TXNRD3: variants seen among roughly 807,000 people sequenced by gnomAD.
TXNRD3 encodes the protein thioredoxin reductase 3.
A neutral mutation model predicts 78.2 loss-of-function variants in TXNRD3; 68 were observed. The observed-to-expected ratio is 0.87, with a 90% confidence interval of 0.72 to 1.06. The LOEUF is 1.06. Among genes scored for constraint, TXNRD3 ranks in the 50% least tolerant of loss-of-function variants. TXNRD3 has a pLI of 0.00. For synonymous variants in TXNRD3, 296 were observed against 300.1 expected, an observed-to-expected ratio of 0.99 and a Z score of 0.14; for missense variants, 751 against 809.5, an observed-to-expected ratio of 0.93 and a Z score of 0.88.
chr3:126,622,847 A>G (rs1436105925), intron 10 of TXNRD3, among the ~76,000 whole-genome samples: 1 of 152,186 alleles, frequency 6.6e-6, no homozygotes, highest in Non-Finnish European at 1.5e-5. Flanking sequence ...TAATTAAGGT[A>G]AAATAGGTCA....
chr3:126,638,627 G>A (rs757603103), intron 6 of TXNRD3, among the ~76,000 whole-genome samples: 23 of 152,076 alleles, frequency 1.5e-4, no homozygotes, highest in Non-Finnish European at 2.5e-4. Context: ...CAAGCTACTC[G>A]GGAGGCTGAG....
chr3:126,629,288 T>G (rs942400663), intron 10 of TXNRD3, 91 bp downstream of exon 10: 1 of 939,086 alleles, frequency 1.1e-6, no homozygotes, highest in Non-Finnish European at 1.5e-6. Context: ...AGTAAAAAAA[T>G]GTTAATCCTG....
intron 9 of TXNRD3, 146 bp from the exon 10 acceptor site, chr3:126,629,617 G>T: frequency 1.7e-6 from 1 of 572,712 alleles, no homozygotes; most frequent in Non-Finnish European, 3.0e-6. Flanking sequence ...TCTGGATAAG[G>T]CAGAAATAGA....
rs139071343 is a variant in TXNRD3 at position 126,652,603 on chromosome 3, G to A, written c.243+2145C>T. Among the ~76,000 whole-genome samples, 18 of 152,280 alleles carry A rather than the reference G, an allele frequency of 1.2e-4. No homozygotes were observed. The East Asian group carries it at 2.1e-3, about 18-fold the overall frequency. ...TCTTCATGTTTTCTCCAGGTACTCC[G>A]GTTTCCTCCCACATCCCAAAGATGT... On this transcript the variant is annotated intron_variant, in intron 1 of 15. Coordinates refer to ENST00000524230, the MANE Select transcript of TXNRD3 (RefSeq NM_052883.3).
chr3:126,647,806 G>T (rs1182686442), intron 1 of TXNRD3, among the ~76,000 whole-genome samples: 3 of 152,222 alleles, frequency 2.0e-5, no homozygotes, highest in Admixed American at 1.3e-4. Flanking sequence ...CTTCACAACA[G>T]CCTGGGTGAC....
At chr3:126,649,274 G>A (rs539819273) in intron 1 of TXNRD3, among the ~76,000 whole-genome samples, 9 of 152,276 alleles carry the variant, frequency 5.9e-5, no homozygotes, top group South Asian at 2.1e-4. Flanking sequence ...TTAGTGAAAC[G>A]TGAATCAAAA....
chr3:126,631,727 A>G, intron 8 of TXNRD3, 37 bp downstream of exon 8: 1 of 1,261,384 alleles, frequency 7.9e-7, no homozygotes, highest in Non-Finnish European at 1.1e-6. Flanking sequence ...AATTCAATTT[A>G]TTAACATTAA....
intron 11 of TXNRD3, 122 bp from the exon 12 acceptor site, chr3:126,622,020 G>C: frequency 4.1e-6 from 3 of 738,438 alleles, no homozygotes; most frequent in Non-Finnish European, 5.9e-6. Context: ...CGCACCTCAG[G>C]ATATCAATTA....
At chr3:126,621,923 A>AAT (rs901086622) in intron 11 of TXNRD3, 25 bp from the exon 12 acceptor site, 2 of 1,479,614 alleles carry the variant, frequency 1.4e-6, no homozygotes, top group African/African-American at 2.8e-5. Context: ...AATGGGAAAA[A>AAT]ATATATATTA....
rs1933177036 is a variant in TXNRD3 at position 126,644,317 on chromosome 3, C to T, written c.499G>A (p.Gly167Arg). 6.5e-7 allele frequency: 1 copy of T among 1,536,356 alleles called. No individual in the cohort carries two copies. Among genetic ancestry groups the T allele is most frequent in the African/African-American group, 1.4e-5 (1 of 73,002 alleles). ...CATACCTTCGCACATGAAAGGCCTC[C>T]AGAACCACCACCGATGATGATGAGA... Residue 167 changes from glycine (G) to arginine (R), a missense_variant, in exon 4 of 16, where the codon GGA becomes AGA. Physicochemically the swap from Gly to Arg is moderately radical, Grantham distance 125. Transcript: ENST00000524230.
intron 14 of TXNRD3, 33 bp downstream of exon 14, chr3:126,611,004 C>A: frequency 1.6e-6 from 2 of 1,231,676 alleles, no homozygotes; most frequent in South Asian, 1.7e-5. Context: ...ATTTAAAAAT[C>A]ACAGCATTTT....
At chr3:126,641,591 GT>G (rs1287419791) in intron 6 of TXNRD3, among the ~76,000 whole-genome samples, 1 of 152,102 alleles carries the variant, frequency 6.6e-6, no homozygotes, top group African/African-American at 2.4e-5. Context: ...AGGTAGCTCT[GT>G]CTTCCTCACA....
intron 10 of TXNRD3, among the ~76,000 whole-genome samples, chr3:126,623,417 G>A (rs569924823): frequency 8.9e-4 from 135 of 152,244 alleles, no homozygotes; most frequent in African/African-American, 3.0e-3. Context: ...ACAAGCCAAC[G>A]CTCCTCATGA....
At chr3:126,644,210 T>C (rs1933169848) in intron 4 of TXNRD3, 87 bp downstream of exon 4, 2 of 1,363,630 alleles carry the variant, frequency 1.5e-6, no homozygotes, top group Admixed American at 2.2e-5. Context: ...AACTGTAACA[T>C]TAGTTTGTTT....
chr3:126,633,867 G>A lies in TXNRD3; in HGVS notation c.855+42C>T, dbSNP rs1397853163. 2.1e-6 allele frequency: 3 copies of A among 1,419,684 alleles called. No homozygotes were observed. The Admixed American group carries it at 8.3e-5, about 39-fold the overall frequency. 87.9% of individuals were successfully genotyped at this position (1,419,684 alleles called of 1,614,324 possible). On this transcript the variant is annotated intron_variant, in intron 7 of 15. Coordinates refer to ENST00000524230, the MANE Select transcript of TXNRD3 (RefSeq NM_052883.3). The stretch of plus-strand genomic sequence containing the variant: ...TAGTTGAAGGCAAGTATAAACAATT[G>A]TAAAGAAAGGAGATGAACAAGACAA...
At chr3:126,637,924 TTC>T (rs1303475079) in intron 6 of TXNRD3, among the ~76,000 whole-genome samples, 6 of 141,020 alleles carry the variant, frequency 4.3e-5, no homozygotes, top group East Asian at 2.3e-4. Context: ...TAACCTATAT[TTC>T]TCTCTCTTTT....
intron 15 of TXNRD3, among the ~76,000 whole-genome samples, 158 bp downstream of exon 15, chr3:126,608,341 A>G (rs1938107632): frequency 6.6e-6 from 1 of 152,242 alleles, no homozygotes; most frequent in African/African-American, 2.4e-5. Context: ...AGCCTCGATG[A>G]CAGAGTGAGA....
intron 11 of TXNRD3, 63 bp downstream of exon 11, chr3:126,622,401 G>C: frequency 8.8e-7 from 1 of 1,142,170 alleles, no homozygotes; most frequent in South Asian, 1.5e-5. Flanking sequence ...GAATTTCTTA[G>C]AGGTGATCTG....
Position 126,654,943 on chromosome 3 carries a change from A to G in TXNRD3, c.48T>C (p.Asp16=). 7.7e-7 allele frequency: 1 copy of G among 1,295,328 alleles called. No individual in the cohort carries two copies. The highest frequency in any genetic ancestry group is 9.7e-7 in the Non-Finnish European group (1 of 1,027,536). The allele number at this position is 1,295,328 out of a possible 1,614,324, so 80.2% of individuals were successfully genotyped here. A position where few individuals can be genotyped will look rare whatever the true frequency, so the allele number is the denominator to read the frequency against. The change falls in exon 1 of 16, where the codon GAT becomes GAC. Residue 16 remains aspartate, a synonymous_variant. Transcript: ENST00000524230. ...CATGGCCCGAGCGGCGGTTGGGGGCATCGCCCGCCTTTCCCGGCCCGGGCG... is the reference window on the plus strand; with the variant it reads ...CATGGCCCGAGCGGCGGTTGGGGGCGTCGCCCGCCTTTCCCGGCCCGGGCG...
Sources: gnomAD v4.1 joint callset for allele counts (sites outside exome capture counted in the v4.1 genomes callset) on GRCh38, gnomAD v4.1.1 for gene constraint, MANE v1.5 for transcripts, NCBI Gene and HGNC (gene_info 2026-07-23, HGNC 2026-07-21) for gene names.